TBC1D1: variants seen among roughly 807,000 people sequenced by gnomAD.
The protein encoded by TBC1D1 is TBC1 (tre-2/USP6, BUB2, cdc16) domain family, member 1.
Under a neutral mutation model 125.6 loss-of-function variants are expected in TBC1D1, and 89 were observed. The observed-to-expected ratio is 0.71, with a 90% CI of 0.60 to 0.85. The LOEUF is 0.85. Among genes scored for constraint, TBC1D1 ranks in the 40% least tolerant of loss-of-function variants. The probability of loss-of-function intolerance (pLI) is 0.00; values close to 1 mark genes in which losing one functional copy is unlikely to be tolerated. For missense variants in TBC1D1, 1,377 were observed against 1,469.2 expected (o/e 0.94, Z 1.03); for synonymous variants, 565 against 564.1 (o/e 1.00, Z -0.02).
intron 2 of TBC1D1, chr4:37,960,681 C>G: frequency 6.2e-7 from 1 of 1,614,122 alleles, no homozygotes; most frequent in Non-Finnish European, 8.5e-7. Flanking sequence ...ACCCAGAAAA[C>G]AAAAACAGCC....
chr4:38,001,040 G>T (rs960368911), intron 2 of TBC1D1, among the ~76,000 whole-genome samples: 1 of 152,140 alleles, frequency 6.6e-6, no homozygotes, highest in Admixed American at 6.5e-5. Context: ...GTAACACGGT[G>T]AAACTCCGTC....
chr4:37,958,249 C>A (rs1405908700), intron 2 of TBC1D1, among the ~76,000 whole-genome samples: 2 of 152,228 alleles, frequency 1.3e-5, no homozygotes, highest in Non-Finnish European at 2.9e-5. Context: ...AGATTCATCT[C>A]CTAGAAAACC....
At chr4:37,904,362 T>C (rs531700320) in intron 2 of TBC1D1, among the ~76,000 whole-genome samples, 1 of 152,374 alleles carries the variant, frequency 6.6e-6, no homozygotes, top group East Asian at 1.9e-4. Flanking sequence ...TATAACTTAA[T>C]GGCTCCTATT....
intron 12 of TBC1D1, among the ~76,000 whole-genome samples, chr4:38,057,536 G>A (rs62299980): frequency 0.19 from 28,656 of 152,112 alleles, 3,332 homozygotes; most frequent in African/African-American, 0.32. Context: ...GTCTCTATAG[G>A]CACATATTAT....
At chr4:38,031,548 C>T (rs979833367) in intron 7 of TBC1D1, among the ~76,000 whole-genome samples, 3 of 152,048 alleles carry the variant, frequency 2.0e-5, no homozygotes, top group African/African-American at 4.8e-5. Context: ...TAAGTAGTTC[C>T]CTTAGGAGAC....
rs60869418 is a variant in TBC1D1 at position 38,114,042 on chromosome 4, T to TACAC, written c.2558-1649_2558-1646dup. Among the ~76,000 whole-genome samples, 705 of 144,144 alleles carry TACAC rather than the reference T, an allele frequency of 4.9e-3. 4 individuals carry two copies. The highest frequency in any genetic ancestry group is 6.5e-3 in the African/African-American group (264 of 40,568). 94.6% of individuals were successfully genotyped at this position (144,144 alleles called of 152,430 possible). A position where few individuals can be genotyped will look rare whatever the true frequency, so the allele number is the denominator to read the frequency against. On this transcript the variant is annotated intron_variant, in intron 15 of 19. Coordinates refer to ENST00000261439, the MANE Select transcript of TBC1D1 (RefSeq NM_015173.4). ...TTGCATGTGCTGCTACCCATTGTTC[T>TACAC]ACACACACACACACACACACACCTG...
intron 2 of TBC1D1, among the ~76,000 whole-genome samples, chr4:37,993,237 CAGAG>C (rs10591132): frequency 5.3e-4 from 80 of 152,070 alleles, no homozygotes; most frequent in African/African-American, 1.8e-3. Context: ...GAGGGAGAGA[CAGAG>C]AGAGAGAATC....
At position 38,137,683 on chromosome 4, in the gene TBC1D1, C is replaced by A. The variant is rs181354169; in HGVS notation, c.*348C>A. On this transcript the variant is annotated 3_prime_UTR_variant, in exon 20 of 20. Coordinates refer to ENST00000261439, the MANE Select transcript of TBC1D1 (RefSeq NM_015173.4). Reference sequence around the variant, plus strand: ...GAGCATTCACAATACGGTGGAATTTCAAAAGCTGGAAGAGCTCGAGATCAT... The same window carrying A: ...GAGCATTCACAATACGGTGGAATTTAAAAAGCTGGAAGAGCTCGAGATCAT... The A allele has an allele frequency of 5.0e-4, 109 of 216,438 alleles. No individual in the cohort carries two copies. Among genetic ancestry groups the A allele is most frequent in the African/African-American group, 2.4e-3 (108 of 44,118 alleles). The allele number at this position is 216,438 out of a possible 1,614,324, so 13.4% of individuals were successfully genotyped here. A position where few individuals can be genotyped will look rare whatever the true frequency, so the allele number is the denominator to read the frequency against.
chr4:38,107,541 G>A (rs1473804414), intron 15 of TBC1D1, among the ~76,000 whole-genome samples: 1 of 99,606 alleles, frequency 1.0e-5, no homozygotes, highest in Non-Finnish European at 2.0e-5. Flanking sequence ...CCTGCCTCTT[G>A]TTATACTTTC....
At chr4:38,066,155 T>C (rs1231274377) in intron 12 of TBC1D1, among the ~76,000 whole-genome samples, 1 of 152,164 alleles carries the variant, frequency 6.6e-6, no homozygotes, top group Non-Finnish European at 1.5e-5. Flanking sequence ...TTAGTGCTTG[T>C]ACAGTAATGG....
intron 2 of TBC1D1, among the ~76,000 whole-genome samples, chr4:37,980,259 T>A (rs1390365221): frequency 2.6e-5 from 4 of 152,214 alleles, no homozygotes; most frequent in African/African-American, 7.2e-5. Context: ...TTGGACATGA[T>A]CTGGAACATT....
chr4:38,020,515 T>G (rs1009780128), intron 4 of TBC1D1, 76 bp from the exon 5 acceptor site: 136 of 1,173,748 alleles, frequency 1.2e-4, no homozygotes, highest in Admixed American at 1.8e-5. Context: ...TTGTGCTGTA[T>G]AAATCTTGAG....
At chr4:38,083,418 T>C (rs1259141001) in intron 12 of TBC1D1, among the ~76,000 whole-genome samples, 1 of 152,232 alleles carries the variant, frequency 6.6e-6, no homozygotes, top group East Asian at 1.9e-4. Context: ...ATGCTGGTTC[T>C]TTACCTAAAG....
intron 7 of TBC1D1, among the ~76,000 whole-genome samples, chr4:38,034,430 TC>T (rs1474520098): frequency 4.6e-5 from 7 of 152,264 alleles, no homozygotes; most frequent in Admixed American, 4.6e-4. Context: ...TCATTAACTA[TC>T]CTTTCCTTAA....
Position 38,014,722 on chromosome 4 carries a change from A to AGC in TBC1D1, c.632_633dup (p.Pro212AlafsTer100). On this transcript the variant is annotated frameshift_variant, in exon 3 of 20. Transcript: ENST00000261439. LOFTEE classifies it high-confidence loss of function. This position sits in a 1 kb window ranked among gnomAD's most constrained non-coding sequence, Gnocchi z 5.1. ...CGTCAGCGGCAGCCGGGGGTCCGAG[A>AGC]GCCCCCGCCCCAACCCGCCCCATGC... The AGC allele has an allele frequency of 6.2e-7, 1 of 1,610,224 alleles. No individual in the cohort carries two copies. Among genetic ancestry groups the AGC allele is most frequent in the Non-Finnish European group, 8.5e-7 (1 of 1,178,210 alleles).
chr4:37,909,545 G>C (rs562084892), intron 2 of TBC1D1, among the ~76,000 whole-genome samples: 1 of 151,946 alleles, frequency 6.6e-6, no homozygotes, highest in South Asian at 2.1e-4. Context: ...TTCTTTCTTC[G>C]CTAGAGTGAA....
chr4:38,039,267 G>A (rs911389789), intron 8 of TBC1D1, among the ~76,000 whole-genome samples: 4 of 151,328 alleles, frequency 2.6e-5, no homozygotes, highest in African/African-American at 9.7e-5. Flanking sequence ...ACAGGTGCCT[G>A]CCACCACTCC....
intron 2 of TBC1D1, chr4:37,960,819 G>C: frequency 6.2e-7 from 1 of 1,614,098 alleles, no homozygotes; most frequent in South Asian, 1.1e-5. Flanking sequence ...TGAGAGTTTT[G>C]ACCTGCCTGA....
intron 12 of TBC1D1, among the ~76,000 whole-genome samples, chr4:38,082,608 C>T (rs1485883033): frequency 6.6e-6 from 1 of 152,216 alleles, no homozygotes; most frequent in Non-Finnish European, 1.5e-5. Flanking sequence ...AATTTTCTCC[C>T]ATGCGTTATC....
Sources: allele counts gnomAD v4.1 joint callset (sites outside exome capture counted in the v4.1 genomes callset), GRCh38; gene constraint gnomAD v4.1.1; non-coding constraint Gnocchi (gnomAD v3.1); transcripts MANE v1.5; gene names NCBI Gene and HGNC (gene_info 2026-07-23, HGNC 2026-07-21).